CEACAM21: variants seen among roughly 807,000 people sequenced by gnomAD.
The protein encoded by CEACAM21 is cell adhesion molecule CEACAM21.
CEACAM21 carries 38 observed loss-of-function variants against 33.2 expected under a neutral mutation model. The ratio of observed to expected loss-of-function variants is 1.14; its 90% confidence interval spans 0.88 to 1.50. The LOEUF is 1.50. Ranked by LOEUF, CEACAM21 falls within the 40% of genes most tolerant of loss-of-function variation. The probability of loss-of-function intolerance (pLI) is 0.00; values close to 1 mark genes in which losing one functional copy is unlikely to be tolerated. For synonymous variants in CEACAM21, 156 were observed against 143.0 expected (o/e 1.09, Z -0.65); for missense variants, 385 against 364.6 (o/e 1.06, Z -0.46).
At chr19:41,576,139 G>A (rs1202708049), upstream of CEACAM21, 17 of 998,656 alleles carry the variant, frequency 1.7e-5, no homozygotes, top group Non-Finnish European at 2.6e-5. Context: ...TAAACGGGAA[G>A]TGCTCCTGCC....
At chr19:41,554,040 A>C (rs781976588) in intron 1 of CEACAM21, among the ~76,000 whole-genome samples, 18 of 152,108 alleles carry the variant, frequency 1.2e-4, no homozygotes, top group Non-Finnish European at 1.9e-4. Context: ...TCAATAGCTC[A>C]AAAGAAAATT....
At chr19:41,561,916 G>A (rs782614758) in intron 1 of CEACAM21, among the ~76,000 whole-genome samples, 1 of 152,264 alleles carries the variant, frequency 6.6e-6, no homozygotes, top group South Asian at 2.1e-4. Context: ...AGCAAAATAT[G>A]ATACATTCTA....
At chr19:41,566,825 T>G (rs1420823307) in intron 2 of CEACAM21, among the ~76,000 whole-genome samples, 1 of 152,230 alleles carries the variant, frequency 6.6e-6, no homozygotes, top group African/African-American at 2.4e-5. Context: ...GTCTTTTTAA[T>G]TGCTTTACTG....
At position 41,579,479 on chromosome 19, in the gene CEACAM21, T is replaced by G. The variant is rs1486218161; in HGVS notation, c.551T>G (p.Leu184Arg). 6.2e-7 allele frequency: 1 copy of G among 1,613,812 alleles called. No individual in the cohort carries two copies. Among genetic ancestry groups the G allele is most frequent in the Non-Finnish European group, 8.5e-7 (1 of 1,179,878 alleles). The stretch of plus-strand genomic sequence containing the variant: ...CAGTGGATTTTCAACAACCAGCGTC[T>G]GCAGGTCACGAAGAGGATGAAGCTG... The part of the protein sequence containing the change: ...SFQWIFNNQR[L>R]QVTKRMKLSW... Residue 184 changes from leucine to arginine, a missense_variant, in exon 3 of 7, where the codon CTG (leucine) becomes CGG (arginine). Leu to Arg is a moderately radical substitution (Grantham distance 102). Coordinates refer to ENST00000401445, the MANE Select transcript of CEACAM21 (RefSeq NM_001098506.4).
chr19:41,561,056 T>A (rs1555786730), intron 1 of CEACAM21, among the ~76,000 whole-genome samples: 1 of 152,174 alleles, frequency 6.6e-6, no homozygotes, highest in African/African-American at 2.4e-5. Context: ...TATGGAAAAC[T>A]CAAAAGAATC....
intron 2 of CEACAM21, 27 bp from the exon 3 acceptor site, chr19:41,579,326 A>G (rs782183078): frequency 1.2e-6 from 2 of 1,613,902 alleles, no homozygotes; most frequent in East Asian, 2.2e-5. Flanking sequence ...GCCCCAAGAC[A>G]CTTTCTGTTG....
upstream of CEACAM21, among the ~76,000 whole-genome samples, chr19:41,573,786 A>G (rs1364208255): frequency 6.6e-6 from 1 of 152,220 alleles, no homozygotes; most frequent in Non-Finnish European, 1.5e-5. Flanking sequence ...TTATCTACTT[A>G]GATTAAGGTC....
intron 1 of CEACAM21, among the ~76,000 whole-genome samples, chr19:41,564,447 G>A (rs2042122881): frequency 6.6e-6 from 1 of 152,056 alleles, no homozygotes; most frequent in Admixed American, 6.6e-5. Context: ...CGGCAGGTGT[G>A]CGCCTCAATC....
intron 3 of CEACAM21, among the ~76,000 whole-genome samples, chr19:41,581,241 A>G (rs782077995): frequency 2.6e-5 from 4 of 152,280 alleles, no homozygotes; most frequent in Non-Finnish European, 5.9e-5. Context: ...AAACAATAGC[A>G]TGAGCAATCT....
intron 4 of CEACAM21, 139 bp downstream of exon 4, chr19:41,584,582 GCACCTTCCT>G: frequency 1.3e-6 from 1 of 747,356 alleles, no homozygotes; most frequent in South Asian, 1.7e-5. Context: ...TCATTCCATG[GCACCTTCCT>G]CACCAGCTGC....
intron 2 of CEACAM21, among the ~76,000 whole-genome samples, chr19:41,570,987 A>G (rs1555789361): frequency 6.6e-6 from 1 of 151,990 alleles, no homozygotes; most frequent in Non-Finnish European, 1.5e-5. Context: ...AAGCTGCGGG[A>G]GGGCACAGCA....
At chr19:41,554,131 A>T (rs781981871) in intron 1 of CEACAM21, among the ~76,000 whole-genome samples, 12 of 152,090 alleles carry the variant, frequency 7.9e-5, no homozygotes, top group Non-Finnish European at 1.8e-4. Context: ...GCCTCCTATT[A>T]GTTCACTTCA....
chr19:41,579,693 T>C, intron 3 of CEACAM21, 65 bp downstream of exon 3: 1 of 1,134,234 alleles, frequency 8.8e-7, no homozygotes, highest in Non-Finnish European at 1.2e-6. Flanking sequence ...AGGGGGGGTG[T>C]AAAATGATAC....
chr19:41,558,700 T>C (rs1307477611), intron 1 of CEACAM21, among the ~76,000 whole-genome samples: 9 of 152,066 alleles, frequency 5.9e-5, no homozygotes, highest in African/African-American at 2.2e-4. Flanking sequence ...CAAATAAATG[T>C]CTCTAGTATA....
chr19:41,585,432 ACCTTT>A lies in CEACAM21; in HGVS notation c.798-7_798-3del. 1 of 1,613,602 alleles carries A rather than the reference ACCTTT, an allele frequency of 6.2e-7. No homozygotes were observed. The highest frequency in any genetic ancestry group is 8.5e-7 in the Non-Finnish European group (1 of 1,179,724). On this transcript the variant is annotated splice_region_variant and splice_polypyrimidine_tract_variant and intron_variant, in intron 4 of 6. Transcript: ENST00000401445. ...CCTTGCACCTTCACAAATAACCCTG[ACCTTT>A]CCTAGGGCCAGCGATCAGAGTGACT...
intron 1 of CEACAM21, among the ~76,000 whole-genome samples, chr19:41,554,204 A>G (rs906747641): frequency 5.3e-5 from 8 of 152,100 alleles, no homozygotes; most frequent in African/African-American, 1.9e-4. Flanking sequence ...TGTCCCGAAC[A>G]TTTTTCCTCT....
chr19:41,576,281 C>T lies in CEACAM21; in HGVS notation c.7C>T (p.Pro3Ser), dbSNP rs782429214. Reference protein sequence around the residue: MGPPSACPHRECI... With the variant: MGSPSACPHRECI... ...AGAGCAGGCAGCAGAGACCATGGGG[C>T]CCCCCTCAGCTTGTCCCCACAGAGA... The change falls in exon 1 of 7, where the codon CCC (proline) becomes TCC (serine). Residue 3 changes from proline to serine, a missense_variant. Transcript: ENST00000401445. The T allele has an allele frequency of 2.5e-6, 4 of 1,613,418 alleles. No individual in the cohort carries two copies. The highest frequency in any genetic ancestry group is 4.5e-5 in the East Asian group (2 of 44,856).
intron 2 of CEACAM21, among the ~76,000 whole-genome samples, chr19:41,565,415 G>T (rs2042188340): frequency 6.6e-6 from 1 of 152,156 alleles, no homozygotes. Context: ...TGAAGTTACA[G>T]ATCTGGCTTC....
chr19:41,582,627 C>G (rs1405862487), intron 3 of CEACAM21, among the ~76,000 whole-genome samples: 1 of 152,248 alleles, frequency 6.6e-6, no homozygotes, highest in East Asian at 1.9e-4. Context: ...AGGCTCAACA[C>G]CACATGGAAG....
Sources: allele counts gnomAD v4.1 joint callset (sites outside exome capture counted in the v4.1 genomes callset), GRCh38; gene constraint gnomAD v4.1.1; transcripts MANE v1.5; gene names NCBI Gene and HGNC (gene_info 2026-07-23, HGNC 2026-07-21).